Variants in DIS3 observed in about 807,000 individuals in gnomAD.
The protein encoded by DIS3 is DIS3 exosome endoribonuclease and 3'-5' exoribonuclease.
A neutral mutation model predicts 113.0 loss-of-function variants in DIS3; 103 were observed. The observed-to-expected ratio is 0.91, with a 90% CI of 0.78 to 1.07. The LOEUF (loss-of-function observed/expected upper bound fraction) is 1.07. DIS3 is among the 50% of genes least tolerant of loss of function. The pLI, the probability that DIS3 is intolerant of heterozygous loss-of-function variation, is 0.00. For synonymous variants in DIS3, 402 were observed against 394.3 expected (o/e 1.02, Z -0.23); for missense variants, 1,121 against 1,167.1 (o/e 0.96, Z 0.58).
rs751679161 is a variant in DIS3 at position 72,761,491 on chromosome 13, C to T, written c.2542G>A (p.Glu848Lys). The T allele has an allele frequency of 6.2e-7, 1 of 1,602,758 alleles. No individual in the cohort carries two copies. Among genetic ancestry groups the T allele is most frequent in the Non-Finnish European group, 8.5e-7 (1 of 1,175,902 alleles). ...LFFKSKGIVS[E>K]EAYILFVRKN... ...CTTACAAATAAAATATAGGCTTCTT[C>T]ACTTACTATTCCTTTGCTTTTGAAG... The change falls in exon 19 of 21, where the codon GAA (glutamate) becomes AAA (lysine). Residue 848 changes from glutamate to lysine, a missense_variant. Coordinates refer to ENST00000377767, the MANE Select transcript of DIS3 (RefSeq NM_014953.5).
rs1164678520 is a variant in DIS3 at position 72,772,893 on chromosome 13, TATC to T, written c.1240-57_1240-55del. ...CCTATTTTATAGCAAATTTACATCT[TATC>T]ATATTAAATTCTTCAGCATTTACAT... On this transcript the variant is annotated intron_variant, in intron 8 of 20. Transcript: ENST00000377767. 4 of 1,511,966 alleles carry T rather than the reference TATC, an allele frequency of 2.6e-6. No homozygotes were observed. In the South Asian group the frequency reaches 4.0e-5, roughly 15 times the overall value. The allele number at this position is 1,511,966 out of a possible 1,614,324, so 93.7% of individuals were successfully genotyped here. A position where few individuals can be genotyped will look rare whatever the true frequency, so the allele number is the denominator to read the frequency against.
At position 72,781,725 on chromosome 13, in the gene DIS3, G is replaced by T; in HGVS notation, c.108C>A (p.Cys36Ter). ...CCTCGTGCGCCCCTCCACACGCTGC[G>T]CACCCGGGCGCACCGCAGCCGATGT... ...RDDIGCGAPG[C>*]AACGGAHEGP... The change falls in exon 1 of 21, where the codon TGC becomes TGA. Residue 36 changes from cysteine (C) to a stop codon, truncating the protein, a stop_gained. Coordinates refer to ENST00000377767, the MANE Select transcript of DIS3 (RefSeq NM_014953.5). LOFTEE classifies it high-confidence loss of function. The T allele has an allele frequency of 6.3e-7, 1 of 1,580,882 alleles. No individual in the cohort carries two copies. The highest frequency in any genetic ancestry group is 8.6e-7 in the Non-Finnish European group (1 of 1,164,592).
rs908529294 is a variant in DIS3 at position 72,759,630 on chromosome 13, A to G, written c.*165T>C. The G allele has an allele frequency of 1.7e-6, 1 of 579,142 alleles. No individual in the cohort carries two copies. Among genetic ancestry groups the G allele is most frequent in the Admixed American group, 3.1e-5 (1 of 32,096 alleles). 35.9% of individuals were successfully genotyped at this position (579,142 alleles called of 1,614,324 possible). A position where few individuals can be genotyped will look rare whatever the true frequency, so the allele number is the denominator to read the frequency against. On this transcript the variant is annotated 3_prime_UTR_variant, in exon 21 of 21. Transcript: ENST00000377767. ...TTCAACCCAGAAGTATAGTAGTATG[A>G]TGGGTCAGATACAGTCAACTGTTCA...
At position 72,766,065 on chromosome 13, in the gene DIS3, A is replaced by G. The variant is rs754330492; in HGVS notation, c.1884-7T>C. 3.1e-6 allele frequency: 5 copies of G among 1,590,658 alleles called. No individual in the cohort carries two copies. The highest frequency in any genetic ancestry group is 4.3e-6 in the Non-Finnish European group (5 of 1,170,192). On this transcript the variant is annotated splice_region_variant and splice_polypyrimidine_tract_variant and intron_variant, in intron 14 of 20. Transcript: ENST00000377767. Reference sequence around the variant, plus strand: ...AGAGGATAGAGTCAAAGCCCTACATAAAAATTAAAGAGAAAAATTATAGTC... The same window carrying G: ...AGAGGATAGAGTCAAAGCCCTACATGAAAATTAAAGAGAAAAATTATAGTC...
At chr13:72,769,472 C>G (rs917563522) in intron 13 of DIS3, among the ~76,000 whole-genome samples, 7 of 150,342 alleles carry the variant, frequency 4.7e-5, no homozygotes, top group Admixed American at 2.0e-4. Flanking sequence ...CTATTTCTCT[C>G]AGAGAAATCC....
intron 4 of DIS3, among the ~76,000 whole-genome samples, chr13:72,776,659 C>T (rs2034024866): frequency 6.6e-6 from 1 of 152,138 alleles, no homozygotes; most frequent in Admixed American, 6.5e-5. Context: ...CAGTTATCAT[C>T]TTATTTGATC....
At chr13:72,777,273 T>C (rs1346854394) in intron 4 of DIS3, 147 bp downstream of exon 4, 7 of 712,540 alleles carry the variant, frequency 9.8e-6, no homozygotes, top group African/African-American at 9.0e-5. Context: ...AATAAGCCTA[T>C]GACATCCACT....
At chr13:72,768,421 G>A (rs1214399213) in intron 14 of DIS3, among the ~76,000 whole-genome samples, 6 of 152,102 alleles carry the variant, frequency 3.9e-5, no homozygotes, top group East Asian at 1.9e-4. Context: ...AGGCCGAGGC[G>A]GCTGGATCAC....
rs1174052927 is a variant in DIS3, at chr13:72,757,190, G to A, written c.*2605C>T. On this transcript the variant is annotated 3_prime_UTR_variant, in exon 21 of 21. Transcript: ENST00000377767. Reference sequence around the variant, plus strand: ...AAAGAAAAAACCTAAGGCCAGTCATGCACTGCCCTACTTCCCTTTCTTCTC... The same window carrying A: ...AAAGAAAAAACCTAAGGCCAGTCATACACTGCCCTACTTCCCTTTCTTCTC... 6.6e-6 allele frequency: 1 copy of A among 151,810 alleles called. No individual in the cohort carries two copies. The highest frequency in any genetic ancestry group is 1.5e-5 in the Non-Finnish European group (1 of 68,014). 9.4% of individuals were successfully genotyped at this position (151,810 alleles called of 1,614,324 possible).
chr13:72,774,435 GT>G (rs1297649821), intron 6 of DIS3, among the ~76,000 whole-genome samples: 1 of 152,062 alleles, frequency 6.6e-6, no homozygotes, highest in Non-Finnish European at 1.5e-5. Context: ...TAGCTATGTG[GT>G]ATGGTGACTA....
intron 13 of DIS3, among the ~76,000 whole-genome samples, chr13:72,769,496 C>CTTT (rs199556690): frequency 2.1e-5 from 3 of 141,584 alleles, no homozygotes; most frequent in African/African-American, 7.7e-5. Context: ...ATTTTTTTTC[C>CTTT]TTTTTTTTTT....
chr13:72,761,952 T>C lies in DIS3; in HGVS notation c.2313A>G (p.Ile771Met). 6.2e-7 allele frequency: 1 copy of C among 1,614,162 alleles called. No individual in the cohort carries two copies. The highest frequency in any genetic ancestry group is 8.5e-7 in the Non-Finnish European group (1 of 1,180,038). ...DFHHYGLASPIYTHFTSPIRR... is the reference protein window; with the variant it reads ...DFHHYGLASPMYTHFTSPIRR... ...TAATGGGTGAAGTAAAATGTGTGTA[T>C]ATTGGAGACGCTAAGCCATAGTGAT... Residue 771 changes from isoleucine (I) to methionine (M), a missense_variant, in exon 17 of 21, where the codon ATA becomes ATG. Coordinates refer to ENST00000377767, the MANE Select transcript of DIS3 (RefSeq NM_014953.5).
intron 8 of DIS3, among the ~76,000 whole-genome samples, 182 bp downstream of exon 8, chr13:72,773,502 A>G (rs868829842): frequency 3.3e-5 from 5 of 152,214 alleles, no homozygotes; most frequent in African/African-American, 1.2e-4. Context: ...AATGATTTAC[A>G]CTGGAATTTC....
At chr13:72,761,544 T>C in intron 18 of DIS3, 23 bp from the exon 19 acceptor site, 1 of 1,545,726 alleles carries the variant, frequency 6.5e-7, no homozygotes, top group East Asian at 2.3e-5. Flanking sequence ...ATACAACTTA[T>C]TTAAATTGTC....
At chr13:72,761,187 A>C (rs2033614515) in intron 19 of DIS3, among the ~76,000 whole-genome samples, 176 bp downstream of exon 19, 1 of 152,232 alleles carries the variant, frequency 6.6e-6, no homozygotes, top group African/African-American at 2.4e-5. Flanking sequence ...AGAAATTGTG[A>C]GTAAAACCAT....
At position 72,758,811 on chromosome 13, in the gene DIS3, C is replaced by A. The variant is rs1333258481; in HGVS notation, c.*984G>T. On this transcript the variant is annotated 3_prime_UTR_variant, in exon 21 of 21. Coordinates refer to ENST00000377767, the MANE Select transcript of DIS3 (RefSeq NM_014953.5). ...GATAATTTACTTGAGTGGAACCTGGCACAACGTAAGTGCTTTAGAAATTGA... is the reference window on the plus strand; with the variant it reads ...GATAATTTACTTGAGTGGAACCTGGAACAACGTAAGTGCTTTAGAAATTGA... The A allele has an allele frequency of 5.1e-6, 1 of 196,320 alleles. No individual in the cohort carries two copies. The highest frequency in any genetic ancestry group is 1.1e-5 in the Non-Finnish European group (1 of 94,602). 12.2% of individuals were successfully genotyped at this position (196,320 alleles called of 1,614,324 possible).
At chr13:72,761,862 T>C in intron 17 of DIS3, 48 bp from the exon 18 acceptor site, 1 of 1,611,868 alleles carries the variant, frequency 6.2e-7, no homozygotes, top group Non-Finnish European at 8.5e-7. Context: ...TACTAATATG[T>C]GCTTTTAAAA....
At chr13:72,770,554 A>G (rs1419688904) in intron 13 of DIS3, among the ~76,000 whole-genome samples, 1 of 152,146 alleles carries the variant, frequency 6.6e-6, no homozygotes, top group East Asian at 1.9e-4. Context: ...AAAGCTGGCA[A>G]TAAGACTCTG....
At chr13:72,765,880 G>A (rs1369797206) in intron 15 of DIS3, 92 bp downstream of exon 15, 15 of 851,030 alleles carry the variant, frequency 1.8e-5, no homozygotes, top group East Asian at 2.9e-5. Context: ...TCATTATTTT[G>A]TATATAAACG....
Sources: allele counts gnomAD v4.1 joint callset (sites outside exome capture counted in the v4.1 genomes callset), GRCh38; gene constraint gnomAD v4.1.1; transcripts MANE v1.5; gene names NCBI Gene and HGNC (gene_info 2026-07-23, HGNC 2026-07-21).